The following PCDH15 variants were observed in gnomAD, a reference collection of about 807,000 sequenced individuals.
PCDH15 encodes the protein protocadherin-15.
A neutral mutation model predicts 178.5 loss-of-function variants in PCDH15; 129 were observed. That is an observed-to-expected ratio of 0.72 (90% CI 0.63 to 0.84). The LOEUF is 0.84. PCDH15 is among the 40% of genes least tolerant of loss of function. PCDH15 has a pLI of 0.00. For synonymous variants in PCDH15, 800 were observed against 732.0 expected (o/e 1.09, Z -1.50); for missense variants, 2,230 against 2,099.9 (o/e 1.06, Z -1.21).
chr10:54,189,563 A>T (rs2048776814), intron 11 of PCDH15, among the ~76,000 whole-genome samples: 1 of 152,162 alleles, frequency 6.6e-6, no homozygotes, highest in Non-Finnish European at 1.5e-5. Flanking sequence ...TGAAGCATAT[A>T]AATACTTAAC....
upstream of PCDH15, among the ~76,000 whole-genome samples, chr10:54,802,228 C>T (rs764141765): frequency 3.3e-5 from 5 of 152,146 alleles, no homozygotes; most frequent in Non-Finnish European, 5.9e-5. Flanking sequence ...AACCATGCCT[C>T]CAGAAATGTT....
At chr10:54,926,405 G>A (rs1417181109) in intron 2 of PCDH15, among the ~76,000 whole-genome samples, 1 of 151,808 alleles carries the variant, frequency 6.6e-6, no homozygotes, top group Non-Finnish European at 1.5e-5. Context: ...TTGGCCTGAA[G>A]TTTTTTTGTT....
chr10:55,433,069 A>G (rs1001484900), intron 2 of PCDH15, among the ~76,000 whole-genome samples: 8 of 151,976 alleles, frequency 5.3e-5, no homozygotes, highest in Non-Finnish European at 1.2e-4. Flanking sequence ...AAACAGAAGT[A>G]GCATTCGACC....
rs1055828422 is a variant in PCDH15, at chr10:53,887,796, G to A, written c.3501+15447C>T. Among the ~76,000 whole-genome samples the A allele has an allele frequency of 4.0e-4, 61 of 152,292 alleles. 1 individual carries two copies. The highest frequency in any genetic ancestry group is 1.4e-3 in the Admixed American group (21 of 15,284). On this transcript the variant is annotated intron_variant, in intron 26 of 37. Transcript: ENST00000644397. ...CCCAGATACTCGGGAGGCCAAGGCA[G>A]GAGAATGGCGTGAACCCGGGAGGCG... is the stretch of plus-strand genomic sequence containing the variant.
chr10:54,508,143 A>G (rs4935522), intron 3 of PCDH15, among the ~76,000 whole-genome samples: 1 of 151,942 alleles, frequency 6.6e-6, no homozygotes, highest in African/African-American at 2.4e-5. Flanking sequence ...TGGAGTTAAC[A>G]TCCTACTGTA....
chr10:53,905,106 G>T, intron 25 of PCDH15: 1 of 505,742 alleles, frequency 2.0e-6, no homozygotes, highest in Non-Finnish European at 4.0e-6. Flanking sequence ...TCATAAGCAG[G>T]TAAATCATCA....
At chr10:55,590,255 T>C (rs1316728840) in intron 2 of PCDH15, among the ~76,000 whole-genome samples, 1 of 142,780 alleles carries the variant, frequency 7.0e-6, no homozygotes, top group African/African-American at 2.6e-5. Flanking sequence ...TAGGTGGGAA[T>C]TGAACAATGA....
At chr10:54,852,265 T>C (rs1953636080) in intron 3 of PCDH15, among the ~76,000 whole-genome samples, 1 of 130,604 alleles carries the variant, frequency 7.7e-6, no homozygotes, top group Non-Finnish European at 1.7e-5. Context: ...CTTGCTGAGT[T>C]CTTAGAAGGA....
intron 2 of PCDH15, among the ~76,000 whole-genome samples, chr10:55,329,634 C>A (rs542685438): frequency 6.6e-6 from 1 of 151,888 alleles, no homozygotes; most frequent in South Asian, 2.1e-4. Context: ...AAAATTCAGT[C>A]TTGTTTACCC....
At chr10:54,127,848 T>C (rs374475597) in intron 15 of PCDH15, among the ~76,000 whole-genome samples, 61 of 152,334 alleles carry the variant, frequency 4.0e-4, no homozygotes, top group African/African-American at 1.3e-3. Flanking sequence ...ATCAATGATG[T>C]CTCAATTTAT....
intron 25 of PCDH15, among the ~76,000 whole-genome samples, chr10:53,916,546 C>G (rs2083546339): frequency 6.6e-6 from 1 of 152,090 alleles, no homozygotes; most frequent in African/African-American, 2.4e-5. Context: ...AAAAAAGACA[C>G]TATTTTAAAT....
chr10:54,519,312 C>T (rs2082583696), intron 3 of PCDH15, among the ~76,000 whole-genome samples: 2 of 152,154 alleles, frequency 1.3e-5, no homozygotes, highest in South Asian at 4.2e-4. Context: ...TTTAGAAAAC[C>T]CCATTGTCTC....
intron 2 of PCDH15, among the ~76,000 whole-genome samples, chr10:54,577,637 C>A (rs1453171105): frequency 6.6e-6 from 1 of 151,982 alleles, no homozygotes; most frequent in African/African-American, 2.4e-5. Flanking sequence ...CAAGGCAAAG[C>A]ATTGCTACAA....
intron 8 of PCDH15, among the ~76,000 whole-genome samples, chr10:54,289,007 C>A (rs953195065): frequency 6.6e-6 from 1 of 152,240 alleles, no homozygotes; most frequent in African/African-American, 2.4e-5. Context: ...CTGAAGAGAG[C>A]AGTTGTTCTC....
intron 2 of PCDH15, among the ~76,000 whole-genome samples, chr10:54,904,391 T>A (rs1257643259): frequency 2.0e-5 from 3 of 152,006 alleles, no homozygotes; most frequent in Non-Finnish European, 4.4e-5. Context: ...AATTTATGTA[T>A]TTGATTGTGG....
chr10:54,258,742 G>A (rs961847564), intron 8 of PCDH15, among the ~76,000 whole-genome samples: 1 of 151,990 alleles, frequency 6.6e-6, no homozygotes, highest in Non-Finnish European at 1.5e-5. Context: ...AAAGTCTGAA[G>A]ACTCAGAGGG....
At chr10:53,808,496 T>G in intron 37 of PCDH15, 1 of 1,389,588 alleles carries the variant, frequency 7.2e-7, no homozygotes, top group South Asian at 1.8e-5. Context: ...TTAGTCAGTT[T>G]TACTCTAATA....
chr10:54,880,642 T>C (rs1954245766), intron 3 of PCDH15, among the ~76,000 whole-genome samples: 1 of 151,526 alleles, frequency 6.6e-6, no homozygotes, highest in African/African-American at 2.4e-5. Context: ...ATATTTTTAG[T>C]TGGAATGAAA....
rs1950597530 is a variant in PCDH15, at chr10:54,783,895, G to C, written c.-29+17030C>G. Reference sequence around the variant, plus strand: ...TGCTATAAAGAACTGCCCAAGACTGGGCAATTTACAAAGAAGAGTTTTAAT... The same window carrying C: ...TGCTATAAAGAACTGCCCAAGACTGCGCAATTTACAAAGAAGAGTTTTAAT... On this transcript the variant is annotated intron_variant, in intron 1 of 37. Transcript: ENST00000644397. Among the ~76,000 whole-genome samples, 5 of 152,014 alleles carry C rather than the reference G, an allele frequency of 3.3e-5. No individual in the cohort carries two copies. The South Asian group carries it at 1.0e-3, about 32-fold the overall frequency.
Sources: gnomAD v4.1 joint callset for allele counts (sites outside exome capture counted in the v4.1 genomes callset) on GRCh38, gnomAD v4.1.1 for gene constraint, MANE v1.5 for transcripts, NCBI Gene and HGNC (gene_info 2026-07-23, HGNC 2026-07-21) for gene names.